Variants in ASIP observed in about 807,000 individuals in gnomAD.
The protein encoded by ASIP is agouti signaling protein, also known as agouti-signaling protein.
In ASIP, 11 loss-of-function variants were observed where a neutral mutation model predicts 10.3. The observed-to-expected ratio is 1.07, with a 90% CI of 0.68 to 1.78. The LOEUF is 1.78. Ranked by LOEUF, ASIP falls within the 40% of genes most tolerant of loss-of-function variation. The pLI is 0.00. For synonymous variants in ASIP, 70 were observed against 70.8 expected, an observed-to-expected ratio of 0.99 and a Z score of 0.06; for missense variants, 180 against 169.2, an observed-to-expected ratio of 1.06 and a Z score of -0.35.
chr20:34,211,872 G>A (rs76570564), intron 1 of ASIP, among the ~76,000 whole-genome samples: 1,782 of 152,166 alleles, frequency 0.012, 40 homozygotes, highest in African/African-American at 0.041. Context: ...ACATGCCTAG[G>A]TGTACATTTA....
At chr20:34,261,891 T>A (rs888730999) in intron 2 of ASIP, among the ~76,000 whole-genome samples, 2 of 152,120 alleles carry the variant, frequency 1.3e-5, no homozygotes, top group African/African-American at 4.8e-5. Context: ...GGTGGGCAGA[T>A]CACCTGAGGT....
At chr20:34,214,100 G>T (rs1422855645) in intron 1 of ASIP, 1 of 1,154,524 alleles carries the variant, frequency 8.7e-7, no homozygotes, top group Non-Finnish European at 1.3e-6. Context: ...GATCATCGCT[G>T]CTCAGGAAGG....
At chr20:34,193,715 T>G (rs561427133), upstream of ASIP, among the ~76,000 whole-genome samples, 1 of 152,346 alleles carries the variant, frequency 6.6e-6, no homozygotes, top group Non-Finnish European at 1.5e-5. Flanking sequence ...GCTTCCAAAC[T>G]GTTTATCTGC....
chr20:34,257,272 G>T (rs1401358976), intron 1 of ASIP, among the ~76,000 whole-genome samples: 1 of 151,838 alleles, frequency 6.6e-6, no homozygotes, highest in African/African-American at 2.4e-5. Flanking sequence ...TGTATTTTTA[G>T]TAGAAACGGG....
upstream of ASIP, among the ~76,000 whole-genome samples, chr20:34,236,637 G>A (rs1161297658): frequency 3.9e-5 from 6 of 152,090 alleles, no homozygotes; most frequent in Non-Finnish European, 7.4e-5. Context: ...AATTGCCTGA[G>A]CCCAGGAGTT....
intron 1 of ASIP, among the ~76,000 whole-genome samples, chr20:34,198,599 C>A (rs1332792315): frequency 1.3e-5 from 2 of 152,014 alleles, no homozygotes; most frequent in African/African-American, 2.4e-5. Context: ...TGATCCTCCC[C>A]CTCAGGTTCC....
chr20:34,257,942 G>T (rs573262530), intron 1 of ASIP, among the ~76,000 whole-genome samples: 3 of 152,166 alleles, frequency 2.0e-5, no homozygotes, highest in Admixed American at 6.6e-5. Flanking sequence ...TCAGGAGTTT[G>T]AGATCAGCTT....
chr20:34,207,767 C>CATTTATTTATTT (rs147074537), intron 1 of ASIP, among the ~76,000 whole-genome samples: 14 of 149,432 alleles, frequency 9.4e-5, no homozygotes, highest in African/African-American at 2.2e-4. Context: ...TTTCCAGCAC[C>CATTTATTTATTT]ATTTATTTAT....
At chr20:34,193,956 C>T (rs899923701), upstream of ASIP, among the ~76,000 whole-genome samples, 3 of 152,200 alleles carry the variant, frequency 2.0e-5, no homozygotes, top group Admixed American at 6.5e-5. Context: ...AACTCTTCTC[C>T]AGCAGCCCAG....
rs186187424 is a variant in ASIP at position 34,232,347 on chromosome 20, C to T, written c.-10-28018C>T. On this transcript the variant is annotated intron_variant, in intron 1 of 3. Coordinates refer to the ASIP transcript ENST00000568305. ...TGGCAGAATGTCTCTCAACAGCATC[C>T]ACCGTCAGTTCTACATCATCTTGAC... 7.9e-5 allele frequency among the ~76,000 whole-genome samples: 12 copies of T among 152,270 alleles called. No individual in the cohort carries two copies. In the East Asian group the frequency reaches 2.3e-3, roughly 29 times the overall value.
intron 1 of ASIP, chr20:34,246,290 C>A: frequency 6.4e-7 from 1 of 1,551,392 alleles, no homozygotes; most frequent in East Asian, 2.4e-5. Flanking sequence ...CCCTGCTGTT[C>A]CTTGACCCTC....
chr20:34,242,231 A>AT (rs2035295575), intron 1 of ASIP, among the ~76,000 whole-genome samples: 1 of 151,104 alleles, frequency 6.6e-6, no homozygotes, highest in Admixed American at 6.6e-5. Context: ...ATTTTATTTT[A>AT]TTTATTTACT....
intron 3 of ASIP, among the ~76,000 whole-genome samples, chr20:34,267,162 C>T (rs540869266): frequency 6.6e-6 from 1 of 152,136 alleles, no homozygotes; most frequent in African/African-American, 2.4e-5. Flanking sequence ...TATATCTTAT[C>T]CTTGGTCTCA....
At chr20:34,213,738 A>T in intron 1 of ASIP, 1 of 1,508,734 alleles carries the variant, frequency 6.6e-7, no homozygotes, top group Non-Finnish European at 9.2e-7. Flanking sequence ...TAATCATTCG[A>T]TGAAGGAAAG....
chr20:34,223,253 A>G (rs1375847521), intron 1 of ASIP, among the ~76,000 whole-genome samples: 2 of 145,596 alleles, frequency 1.4e-5, no homozygotes, highest in East Asian at 2.1e-4. Context: ...CCATCGTCTG[A>G]GATGTGGGGA....
chr20:34,268,732 TA>T (rs72554668), intron 3 of ASIP, among the ~76,000 whole-genome samples: 9 of 137,662 alleles, frequency 6.5e-5, no homozygotes, highest in Admixed American at 1.5e-4. Context: ...AAACCCTGTC[TA>T]AAAAAAAAAC....
intron 1 of ASIP, among the ~76,000 whole-genome samples, chr20:34,244,582 T>C (rs1465267952): frequency 6.6e-6 from 1 of 152,216 alleles, no homozygotes. Flanking sequence ...GTTTAATCAT[T>C]TTCCAATTGT....
At position 34,269,131 on chromosome 20, in the gene ASIP, C is replaced by G; in HGVS notation, c.363C>G (p.Ser121Arg). The change falls in exon 4 of 4, where the codon AGC becomes AGG. Residue 121 changes from serine to arginine, a missense_variant. Coordinates refer to ENST00000374954, the MANE Select transcript of ASIP (RefSeq NM_001672.3). ...CCTGCCAGTGCCGCTTCTTCCGCAG[C>G]GCCTGCTCCTGCCGCGTGCTCAGCC... is the stretch of plus-strand genomic sequence containing the variant. ...CASCQCRFFR[S>R]ACSCRVLSLN... is the part of the protein sequence containing the mutation. The G allele has an allele frequency of 1.3e-6, 2 of 1,553,854 alleles. No homozygotes were observed. The highest frequency in any genetic ancestry group is 1.7e-6 in the Non-Finnish European group (2 of 1,149,214).
chr20:34,269,336 T>A lies in ASIP; in HGVS notation c.*169T>A. The A allele has an allele frequency of 1.2e-6, 1 of 814,728 alleles. No individual in the cohort carries two copies. The highest frequency in any genetic ancestry group is 1.8e-6 in the Non-Finnish European group (1 of 562,822). The allele number at this position is 814,728 out of a possible 1,614,324, so 50.5% of individuals were successfully genotyped here. On this transcript the variant is annotated 3_prime_UTR_variant, in exon 4 of 4. Coordinates refer to ENST00000374954, the MANE Select transcript of ASIP (RefSeq NM_001672.3). ...GGCTAAAATCGAAATACAATATATA[T>A]AGGCTGCTCGAAGGTGTGCGGCTGT...
Sources: gnomAD v4.1 joint callset for allele counts (sites outside exome capture counted in the v4.1 genomes callset) on GRCh38, gnomAD v4.1.1 for gene constraint, MANE v1.5 for transcripts, NCBI Gene and HGNC (gene_info 2026-07-23, HGNC 2026-07-21) for gene names.